WDR70: variants seen among roughly 807,000 people sequenced by gnomAD.
The protein encoded by WDR70 is WD repeat-containing protein 70.
WDR70 carries 53 observed loss-of-function variants against 88.6 expected under a neutral mutation model. The ratio of observed to expected loss-of-function variants is 0.60; its 90% confidence interval spans 0.48 to 0.75. The LOEUF is 0.75. WDR70 is among the 30% of genes least tolerant of loss of function. The pLI is 0.00. For missense variants in WDR70, 610 were observed against 823.2 expected, an observed-to-expected ratio of 0.74 and a Z score of 3.17; for synonymous variants, 280 against 270.0, an observed-to-expected ratio of 1.04 and a Z score of -0.36.
At chr5:37,529,492 T>A (rs564644921) in intron 9 of WDR70, among the ~76,000 whole-genome samples, 7 of 152,284 alleles carry the variant, frequency 4.6e-5, no homozygotes, top group African/African-American at 1.7e-4. Flanking sequence ...CATCTAAGAT[T>A]TTTTCAGTAG....
At chr5:37,524,166 G>C (rs949775775) in intron 9 of WDR70, among the ~76,000 whole-genome samples, 1 of 152,086 alleles carries the variant, frequency 6.6e-6, no homozygotes, top group Non-Finnish European at 1.5e-5. Flanking sequence ...GCAACTCCAA[G>C]ACACATAATT....
intron 8 of WDR70, among the ~76,000 whole-genome samples, chr5:37,505,143 T>A (rs1257925844): frequency 6.6e-6 from 1 of 152,250 alleles, no homozygotes; most frequent in Non-Finnish European, 1.5e-5. Context: ...GGTTCTAGCT[T>A]CAATATATTA....
At chr5:37,580,248 A>G (rs1004668399) in intron 9 of WDR70, among the ~76,000 whole-genome samples, 2 of 152,236 alleles carry the variant, frequency 1.3e-5, no homozygotes, top group African/African-American at 4.8e-5. Flanking sequence ...CCAAGCAGCT[A>G]TGGAAAGCTT....
rs897878173 is a variant in WDR70 at position 37,687,891 on chromosome 5, C to T, written c.1093-9764C>T. On this transcript the variant is annotated intron_variant, in intron 10 of 17. Transcript: ENST00000265107. ...TTAGGGAGCATCAGATTCACAATAC[C>T]ATCTCTTTTCTTCTCCAGAGCAACA... 6.2e-5 allele frequency: 41 copies of T among 661,430 alleles called. No homozygotes were observed. The African/African-American group carries it at 6.4e-4, about 10-fold the overall frequency. The allele number at this position is 661,430 out of a possible 1,614,324, so 41.0% of individuals were successfully genotyped here. A position where few individuals can be genotyped will look rare whatever the true frequency, so the allele number is the denominator to read the frequency against.
intron 9 of WDR70, among the ~76,000 whole-genome samples, chr5:37,572,536 C>T (rs1472284115): frequency 6.6e-6 from 1 of 152,078 alleles, no homozygotes; most frequent in East Asian, 1.9e-4. Flanking sequence ...GTGTATCCGT[C>T]AGAGGAGAAA....
chr5:37,450,352 T>C (rs1237936458), intron 7 of WDR70, among the ~76,000 whole-genome samples: 1 of 152,186 alleles, frequency 6.6e-6, no homozygotes, highest in African/African-American at 2.4e-5. Flanking sequence ...GTCACTGCTC[T>C]TAGGCTGACT....
chr5:37,465,677 T>C (rs1380964264), intron 7 of WDR70, among the ~76,000 whole-genome samples: 9 of 94,112 alleles, frequency 9.6e-5, no homozygotes, highest in African/African-American at 1.2e-4. Context: ...TTTTTTTTTT[T>C]CTGAAGTATC....
intron 10 of WDR70, among the ~76,000 whole-genome samples, chr5:37,626,005 T>C (rs751498757): frequency 3.4e-4 from 26 of 76,096 alleles, no homozygotes; most frequent in Non-Finnish European, 5.5e-4. Flanking sequence ...TCTAAGAGAG[T>C]TTTTTTTTTT....
chr5:37,515,400 G>C (rs1011670125), intron 8 of WDR70, among the ~76,000 whole-genome samples: 5 of 152,230 alleles, frequency 3.3e-5, no homozygotes, highest in African/African-American at 7.2e-5. Flanking sequence ...GAAATGTCAA[G>C]TAGATAGTTG....
At position 37,383,700 on chromosome 5, in the gene WDR70, C is replaced by T. The variant is rs1424175110; in HGVS notation, c.175+2015C>T. Among the ~76,000 whole-genome samples the T allele has an allele frequency of 2.6e-5, 4 of 152,144 alleles. No individual in the cohort carries two copies. In the East Asian group the frequency reaches 7.7e-4, roughly 29 times the overall value. On this transcript the variant is annotated intron_variant, in intron 3 of 17. Transcript: ENST00000265107. Reference sequence around the variant, plus strand: ...GTTCATGCCATTCTCCCGCCTCAGGCTCTGGAGTAGCTGGGACTACAGGTG... The same window carrying T: ...GTTCATGCCATTCTCCCGCCTCAGGTTCTGGAGTAGCTGGGACTACAGGTG...
At chr5:37,428,683 T>G (rs1316571311) in intron 5 of WDR70, among the ~76,000 whole-genome samples, 1 of 152,214 alleles carries the variant, frequency 6.6e-6, no homozygotes, top group Non-Finnish European at 1.5e-5. Context: ...ACAAATAGCT[T>G]GTTCTTGGTT....
chr5:37,570,434 A>G (rs1007303039), intron 9 of WDR70, among the ~76,000 whole-genome samples: 4 of 152,160 alleles, frequency 2.6e-5, no homozygotes. Flanking sequence ...CTCAGAAAAT[A>G]TCTGTTCTGA....
chr5:37,424,256 G>A (rs1400883135), intron 5 of WDR70, among the ~76,000 whole-genome samples: 3 of 149,234 alleles, frequency 2.0e-5, no homozygotes, highest in Non-Finnish European at 3.0e-5. Context: ...AGATGTCTCT[G>A]TGTGGTTAGC....
intron 9 of WDR70, among the ~76,000 whole-genome samples, chr5:37,599,322 G>A (rs1743794122): frequency 6.6e-6 from 1 of 152,122 alleles, no homozygotes; most frequent in East Asian, 1.9e-4. Flanking sequence ...GTTGCATTTA[G>A]GAGAAATTTA....
intron 5 of WDR70, among the ~76,000 whole-genome samples, chr5:37,415,919 C>G (rs189589971): frequency 1.8e-4 from 27 of 151,322 alleles, no homozygotes; most frequent in Non-Finnish European, 3.2e-4. Context: ...GATGGGCCGC[C>G]GGGCAGAGAC....
At chr5:37,480,696 G>C (rs1739637182) in intron 8 of WDR70, among the ~76,000 whole-genome samples, 1 of 152,140 alleles carries the variant, frequency 6.6e-6, no homozygotes, top group Non-Finnish European at 1.5e-5. Flanking sequence ...AGATTTGGGT[G>C]GGGACACAGC....
chr5:37,488,567 CTT>C (rs1739966713), intron 8 of WDR70, among the ~76,000 whole-genome samples: 1 of 129,842 alleles, frequency 7.7e-6, no homozygotes, highest in African/African-American at 2.8e-5. Context: ...GAAATTCTTT[CTT>C]GTGCTTGATC....
At chr5:37,415,178 A>G (rs961272420) in intron 5 of WDR70, among the ~76,000 whole-genome samples, 7 of 151,346 alleles carry the variant, frequency 4.6e-5, no homozygotes, top group Admixed American at 6.6e-5. Flanking sequence ...TCCCATGTCT[A>G]CTTCTTTCTA....
At chr5:37,607,624 A>G (rs1268623047) in intron 10 of WDR70, among the ~76,000 whole-genome samples, 1 of 152,218 alleles carries the variant, frequency 6.6e-6, no homozygotes, top group Non-Finnish European at 1.5e-5. Flanking sequence ...AAAATAAAAT[A>G]CAATTAGAAT....
Sources: allele counts gnomAD v4.1 joint callset (sites outside exome capture counted in the v4.1 genomes callset), GRCh38; gene constraint gnomAD v4.1.1; transcripts MANE v1.5; gene names NCBI Gene and HGNC (gene_info 2026-07-23, HGNC 2026-07-21).